MYO6: variants seen among roughly 807,000 people sequenced by gnomAD.
MYO6 encodes myosin VI.
Under a neutral mutation model 178.7 loss-of-function variants are expected in MYO6, and 74 were observed. The observed-to-expected ratio is 0.41, with a 90% confidence interval of 0.34 to 0.50. MYO6 has a LOEUF of 0.50. MYO6 is among the 20% of genes least tolerant of loss of function. MYO6 has a pLI of 0.09. For missense variants in MYO6, 1,330 were observed against 1,547.4 expected, an observed-to-expected ratio of 0.86 and a Z score of 2.36; for synonymous variants, 477 against 504.6, an observed-to-expected ratio of 0.95 and a Z score of 0.73.
At chr6:75,820,919 AG>A (rs780084039) in intron 2 of MYO6, among the ~76,000 whole-genome samples, 22 of 152,164 alleles carry the variant, frequency 1.4e-4, no homozygotes, top group Non-Finnish European at 2.8e-4. Context: ...TCTCAAGTGC[AG>A]GGGCTATTTT....
intron 1 of MYO6, among the ~76,000 whole-genome samples, chr6:75,810,002 T>G (rs1051334419): frequency 6.6e-6 from 1 of 150,444 alleles, no homozygotes; most frequent in Non-Finnish European, 1.5e-5. Context: ...GAGAATTGCT[T>G]GAACCCTGGA....
intron 1 of MYO6, among the ~76,000 whole-genome samples, chr6:75,777,489 G>A (rs774324900): frequency 2.0e-5 from 3 of 151,284 alleles, no homozygotes; most frequent in Admixed American, 6.6e-5. Flanking sequence ...GTGCAGTGGC[G>A]CAATTTCAGT....
chr6:75,912,800 A>C (rs1269392854), intron 33 of MYO6, among the ~76,000 whole-genome samples: 6 of 152,144 alleles, frequency 3.9e-5, no homozygotes, highest in Non-Finnish European at 8.8e-5. Flanking sequence ...GGAGCAAAAG[A>C]ATAGATAAGC....
intron 30 of MYO6, among the ~76,000 whole-genome samples, chr6:75,905,115 A>G (rs1404211692): frequency 1.3e-5 from 2 of 152,218 alleles, no homozygotes; most frequent in African/African-American, 4.8e-5. Flanking sequence ...TGGGAGAACC[A>G]CTGCTCTCTT....
intron 1 of MYO6, among the ~76,000 whole-genome samples, chr6:75,813,592 T>C (rs73751021): frequency 0.037 from 5,610 of 151,980 alleles, 213 homozygotes; most frequent in East Asian, 0.14. Flanking sequence ...TTCCTTTCCT[T>C]ATTCAGAGGC....
intron 19 of MYO6, among the ~76,000 whole-genome samples, chr6:75,870,891 AC>A (rs1373379229): frequency 6.6e-6 from 1 of 152,146 alleles, no homozygotes; most frequent in Non-Finnish European, 1.5e-5. Flanking sequence ...AGAATTCTTG[AC>A]TATTTAAAAA....
At chr6:75,892,500 CTT>C (rs748035466) in intron 27 of MYO6, 28 bp from the exon 28 acceptor site, 1 of 1,613,838 alleles carries the variant, frequency 6.2e-7, no homozygotes, top group Non-Finnish European at 8.5e-7. Context: ...GTGAAGAACT[CTT>C]GGTGAAATAG....
chr6:75,841,134 G>A, intron 8 of MYO6, 80 bp from the exon 9 acceptor site: 1 of 1,357,928 alleles, frequency 7.4e-7, no homozygotes, highest in Non-Finnish European at 1.0e-6. Flanking sequence ...TATTAGAAAA[G>A]GTAAATAATT....
intron 20 of MYO6, among the ~76,000 whole-genome samples, chr6:75,877,487 G>A (rs761611741): frequency 6.6e-6 from 1 of 151,112 alleles, no homozygotes. Flanking sequence ...GGCTGGTGTC[G>A]AACTCCTGAG....
At position 75,919,493 on chromosome 6, in the gene MYO6, T is replaced by C. The variant is rs142744723; in HGVS notation, c.*4481T>C. On this transcript the variant is annotated 3_prime_UTR_variant, in exon 35 of 35. Coordinates refer to ENST00000369977, the MANE Select transcript of MYO6 (RefSeq NM_004999.4). ...ATCTAATGCTTTCTCTAAAAATTGA[T>C]GTACTGGAAATACAAATAAATAAAT... is the stretch of plus-strand genomic sequence containing the variant. The C allele has an allele frequency of 3.3e-3, 502 of 152,790 alleles. 3 individuals carry two copies. Among genetic ancestry groups the C allele is most frequent in the African/African-American group, 0.012 (487 of 41,590 alleles). The allele number at this position is 152,790 out of a possible 1,614,324, so 9.5% of individuals were successfully genotyped here.
intron 1 of MYO6, among the ~76,000 whole-genome samples, chr6:75,805,149 C>G (rs1433438663): frequency 6.7e-6 from 1 of 150,326 alleles, no homozygotes; most frequent in African/African-American, 2.5e-5. Flanking sequence ...CTCAGCCTCC[C>G]AAGTAGCTGG....
chr6:75,885,350 A>G (rs1162475360), intron 23 of MYO6, among the ~76,000 whole-genome samples: 1 of 152,172 alleles, frequency 6.6e-6, no homozygotes, highest in Admixed American at 6.5e-5. Flanking sequence ...CCTGGCCGAC[A>G]TGGCAAAACC....
chr6:75,840,623 G>A lies in MYO6; in HGVS notation c.592G>A (p.Val198Ile). 6.2e-7 allele frequency: 1 copy of A among 1,613,922 alleles called. No individual in the cohort carries two copies. The highest frequency in any genetic ancestry group is 8.5e-7 in the Non-Finnish European group (1 of 1,179,938). The change falls in exon 8 of 35, where the codon GTT becomes ATT. Residue 198 changes from valine (V) to isoleucine (I), a missense_variant. Physicochemically the swap from Val to Ile is conservative, Grantham distance 29 (BLOSUM62 3). Coordinates refer to ENST00000369977, the MANE Select transcript of MYO6 (RefSeq NM_004999.4). ...AGAAGCCTTTGGAAATGCGAAGACT[G>A]TTCGCAACAATAATAGCAGTCGATT... ...LLEAFGNAKT[V>I]RNNNSSRFGK...
At position 75,749,244 on chromosome 6, in the gene MYO6, C is replaced by A. The variant is rs1329304684; in HGVS notation, c.-227C>A. On this transcript the variant is annotated 5_prime_UTR_variant, in exon 1 of 35. Transcript: ENST00000369977. ...CGGGGCGCCGGCCGGCGGGCGGAGA[C>A]CGACTCGGGATCTGTCCGAGCAGGA... The A allele has an allele frequency of 6.6e-6, 1 of 150,912 alleles. No homozygotes were observed. Among genetic ancestry groups the A allele is most frequent in the Non-Finnish European group, 1.5e-5 (1 of 67,140 alleles). 9.3% of individuals were successfully genotyped at this position (150,912 alleles called of 1,614,324 possible).
chr6:75,805,196 G>T (rs1769947075), intron 1 of MYO6, among the ~76,000 whole-genome samples: 2 of 151,012 alleles, frequency 1.3e-5, no homozygotes, highest in South Asian at 4.2e-4. Context: ...GCTAATTTTT[G>T]TATTTTTAGG....
At chr6:75,750,169 C>G (rs1776736768) in intron 1 of MYO6, among the ~76,000 whole-genome samples, 1 of 149,242 alleles carries the variant, frequency 6.7e-6, no homozygotes, top group African/African-American at 2.5e-5. Context: ...GATTTCCTCT[C>G]ACTGCACCCT....
intron 1 of MYO6, among the ~76,000 whole-genome samples, chr6:75,768,850 T>G (rs1778670445): frequency 6.6e-6 from 1 of 152,142 alleles, no homozygotes; most frequent in African/African-American, 2.4e-5. Flanking sequence ...CTGAGTAATT[T>G]ATAAAGAAAA....
chr6:75,847,457 CTT>C (rs550337994), intron 10 of MYO6, among the ~76,000 whole-genome samples: 2 of 152,010 alleles, frequency 1.3e-5, no homozygotes, highest in Non-Finnish European at 2.9e-5. Flanking sequence ...CTAGTACAAT[CTT>C]TTCGTGTCCA....
At chr6:75,901,406 G>C (rs550335160) in intron 30 of MYO6, among the ~76,000 whole-genome samples, 14 of 152,280 alleles carry the variant, frequency 9.2e-5, no homozygotes, top group Non-Finnish European at 5.9e-5. Flanking sequence ...TCCTTGAGCA[G>C]TGATTTGTAG....
Sources: gnomAD v4.1 joint callset for allele counts (sites outside exome capture counted in the v4.1 genomes callset) on GRCh38, gnomAD v4.1.1 for gene constraint, MANE v1.5 for transcripts, NCBI Gene and HGNC (gene_info 2026-07-23, HGNC 2026-07-21) for gene names.